The following SEC23IP variants were observed in gnomAD, a reference collection of about 807,000 sequenced individuals.
SEC23IP encodes the protein SEC23 interacting protein.
Under a neutral mutation model 113.4 loss-of-function variants are expected in SEC23IP, and 70 were observed. The observed-to-expected ratio is 0.62, with a 90% CI of 0.51 to 0.75. The LOEUF (loss-of-function observed/expected upper bound fraction) is 0.75. Among genes scored for constraint, SEC23IP ranks in the 30% least tolerant of loss-of-function variants. The pLI is 0.00. For missense variants in SEC23IP, 1,160 were observed against 1,204.9 expected, an observed-to-expected ratio of 0.96 and a Z score of 0.55; for synonymous variants, 398 against 421.0, an observed-to-expected ratio of 0.95 and a Z score of 0.67.
chr10:119,909,248 G>C (rs999283043), intron 5 of SEC23IP, 118 bp downstream of exon 5: 1 of 634,680 alleles, frequency 1.6e-6, no homozygotes, highest in African/African-American at 1.8e-5. Flanking sequence ...TGTAACAAGT[G>C]CATTGCTTTT....
At chr10:119,921,328 T>C (rs1036123316) in intron 12 of SEC23IP, among the ~76,000 whole-genome samples, 9 of 152,232 alleles carry the variant, frequency 5.9e-5, no homozygotes, top group African/African-American at 2.2e-4. Context: ...ATGAGCAATT[T>C]GTATTTGGTT....
rs78360338 is a variant in SEC23IP, at chr10:119,893,310, A to T, written c.163+365A>T. Among the ~76,000 whole-genome samples, 222 of 152,130 alleles carry T rather than the reference A, an allele frequency of 1.5e-3. 2 individuals carry two copies. Among genetic ancestry groups the T allele is most frequent in the African/African-American group, 4.8e-3 (198 of 41,520 alleles). ...GTACAGTAGTCTGTCTCCCACTAGG[A>T]GACTCCTAGGATACGGTAAGATACC... On this transcript the variant is annotated intron_variant, in intron 1 of 18. Coordinates refer to ENST00000369075, the MANE Select transcript of SEC23IP (RefSeq NM_007190.4).
chr10:119,937,827 T>C (rs1855846834), intron 18 of SEC23IP, among the ~76,000 whole-genome samples: 1 of 152,186 alleles, frequency 6.6e-6, no homozygotes, highest in African/African-American at 2.4e-5. Flanking sequence ...ATGTACCCTT[T>C]TGTCATTGGT....
At chr10:119,938,701 C>T (rs118150242) in intron 18 of SEC23IP, among the ~76,000 whole-genome samples, 1,699 of 152,262 alleles carry the variant, frequency 0.011, 13 homozygotes, top group Non-Finnish European at 0.014. Context: ...TCTCCCCTAA[C>T]AAAACAAAGC....
intron 4 of SEC23IP, 104 bp from the exon 5 acceptor site, chr10:119,908,937 A>G: frequency 1.4e-6 from 1 of 709,378 alleles, no homozygotes; most frequent in Non-Finnish European, 2.4e-6. Context: ...AACTGCTATT[A>G]CTGTTATTTT....
intron 8 of SEC23IP, among the ~76,000 whole-genome samples, chr10:119,917,365 A>G (rs1185418056): frequency 6.6e-6 from 1 of 151,088 alleles, no homozygotes; most frequent in Non-Finnish European, 1.5e-5. Context: ...ACTTGTGGCT[A>G]ACTTTTGATT....
rs749215753 is a variant in SEC23IP, at chr10:119,903,006, T to G, written c.904T>G (p.Ser302Ala). ...TTTGAATCTTGAAGAAATCTATAAT[T>G]CAGGTAAACATTGGTCATACATCAT... ...DSLNLEEIYN[S>A]VQPDPESVVL... The change falls in exon 3 of 19, where the codon TCA becomes GCA. Residue 302 changes from serine (S) to alanine (A), a missense_variant. Transcript: ENST00000369075. 5.0e-6 allele frequency: 8 copies of G among 1,610,992 alleles called. No homozygotes were observed. The highest frequency in any genetic ancestry group is 6.8e-6 in the Non-Finnish European group (8 of 1,177,444).
rs141718447 is a variant in SEC23IP, at chr10:119,924,409, C to T, written c.2122-1627C>T. ...AAACCAGTGTGAATGGCTTTTCTCT[C>T]GTTATAGAGATAACACCTTTTTTTT... On this transcript the variant is annotated intron_variant, in intron 12 of 18. Coordinates refer to ENST00000369075, the MANE Select transcript of SEC23IP (RefSeq NM_007190.4). Among the ~76,000 whole-genome samples, 691 of 151,764 alleles carry T rather than the reference C, an allele frequency of 4.6e-3. 3 individuals are homozygous for T. Among genetic ancestry groups the T allele is most frequent in the African/African-American group, 0.015 (624 of 41,468 alleles).
intron 1 of SEC23IP, among the ~76,000 whole-genome samples, chr10:119,895,464 C>CTCAATGACTGCACAGTA (rs1854246289): frequency 6.6e-6 from 1 of 152,286 alleles, no homozygotes; most frequent in East Asian, 1.9e-4. Context: ...GCAGACAGCC[C>CTCAATGACTGCACAGTA]TGCCCTCAAT....
chr10:119,901,050 G>T (rs1455530646), intron 2 of SEC23IP, among the ~76,000 whole-genome samples: 2 of 143,566 alleles, frequency 1.4e-5, no homozygotes, highest in Non-Finnish European at 1.5e-5. Context: ...AGAGTGGGGG[G>T]GGGGTCTTGC....
At chr10:119,894,888 CAGTCTGTG>C (rs1388796726) in intron 1 of SEC23IP, among the ~76,000 whole-genome samples, 8 of 131,122 alleles carry the variant, frequency 6.1e-5, no homozygotes, top group Non-Finnish European at 1.1e-4. Flanking sequence ...TTCTTGGAGA[CAGTCTGTG>C]TGTGTGTGTG....
chr10:119,906,353 A>G lies in SEC23IP; in HGVS notation c.1101+2076A>G, dbSNP rs73357851. Among the ~76,000 whole-genome samples, 994 of 151,028 alleles carry G rather than the reference A, an allele frequency of 6.6e-3. 10 individuals are homozygous for G. Among genetic ancestry groups the G allele is most frequent in the African/African-American group, 0.023 (945 of 41,204 alleles). ...GTAGGCACTATCATAAAAGATGTCA[A>G]TTCTTCCCAAATTATCAGATAAATT... On this transcript the variant is annotated intron_variant, in intron 4 of 18. Transcript: ENST00000369075.
At chr10:119,904,705 C>T (rs565936449) in intron 4 of SEC23IP, 1 of 155,444 alleles carries the variant, frequency 6.4e-6, no homozygotes, top group Non-Finnish European at 1.4e-5. Context: ...ATAATTTCTT[C>T]AAGAAATTAT....
intron 18 of SEC23IP, among the ~76,000 whole-genome samples, chr10:119,940,286 C>G (rs964863074): frequency 1.3e-5 from 2 of 149,994 alleles, no homozygotes; most frequent in Admixed American, 1.3e-4. Flanking sequence ...CTCCCGTGTT[C>G]ACACCATTCT....
chr10:119,933,179 T>A lies in SEC23IP; in HGVS notation c.2921+12T>A. 1 of 1,610,588 alleles carries A rather than the reference T, an allele frequency of 6.2e-7. No individual in the cohort carries two copies. The highest frequency in any genetic ancestry group is 8.5e-7 in the Non-Finnish European group (1 of 1,178,004). On this transcript the variant is annotated intron_variant, in intron 17 of 18. Coordinates refer to ENST00000369075, the MANE Select transcript of SEC23IP (RefSeq NM_007190.4). ...CACTTATGCTATTGGTAAGTGTTCT[T>A]AAATTTGGTAACATTTGAGTGGGCT...
Position 119,904,235 on chromosome 10 carries a change from T to C in SEC23IP, c.1059T>C (p.Ser353=). The change falls in exon 4 of 19, where the codon AGT becomes AGC. Residue 353 remains serine, a synonymous_variant. Transcript: ENST00000369075. ...GGTTTTACAAGGGGGACACAGATAGTCGATTTATTCCCTATACTGAGGAGT... is the reference window on the plus strand; with the variant it reads ...GGTTTTACAAGGGGGACACAGATAGCCGATTTATTCCCTATACTGAGGAGT... ...CTWFYKGDTD[S]RFIPYTEEFS... 14 of 1,614,170 alleles carry C rather than the reference T, an allele frequency of 8.7e-6. No individual in the cohort carries two copies. Among genetic ancestry groups the C allele is most frequent in the Non-Finnish European group, 1.0e-5 (12 of 1,180,026 alleles).
chr10:119,900,691 C>G (rs906965417), intron 2 of SEC23IP, among the ~76,000 whole-genome samples: 15 of 152,014 alleles, frequency 9.9e-5, no homozygotes, highest in Admixed American at 6.6e-5. Flanking sequence ...ACTCCTGGGC[C>G]TCAAGTGATC....
At chr10:119,893,015 CG>C (rs1854143984) in intron 1 of SEC23IP, 70 bp downstream of exon 1, 1 of 1,516,822 alleles carries the variant, frequency 6.6e-7, no homozygotes, top group Non-Finnish European at 8.9e-7. Flanking sequence ...AAAGGTCAGA[CG>C]GGAGTTTTTC....
At position 119,892,781 on chromosome 10, in the gene SEC23IP, C is replaced by T. The variant is rs760797803; in HGVS notation, c.-2C>T. ...ACGTGTATCGGACGGTGGGCCGCAG[C>T]CATGGCCGAGAGAAAACCTAACGGT... On this transcript the variant is annotated 5_prime_UTR_variant, in exon 1 of 19. Transcript: ENST00000369075. The T allele has an allele frequency of 2.5e-6, 4 of 1,606,222 alleles. No homozygotes were observed. The highest frequency in any genetic ancestry group is 3.4e-6 in the Non-Finnish European group (4 of 1,176,060).
Sources: gnomAD v4.1 joint callset for allele counts (sites outside exome capture counted in the v4.1 genomes callset) on GRCh38, gnomAD v4.1.1 for gene constraint, MANE v1.5 for transcripts, NCBI Gene and HGNC (gene_info 2026-07-23, HGNC 2026-07-21) for gene names.